Variants in PCDH9 observed in about 807,000 individuals in gnomAD.
The protein encoded by PCDH9 is protocadherin-9.
In PCDH9, 24 loss-of-function variants were observed where a neutral mutation model predicts 70.6. That is an observed-to-expected ratio of 0.34 (90% CI 0.25 to 0.48). The LOEUF is 0.48. PCDH9 is among the 20% of genes least tolerant of loss of function. PCDH9 has a pLI of 0.99. For missense variants in PCDH9, 1,281 were observed against 1,503.6 expected (o/e 0.85, Z 2.45); for synonymous variants, 562 against 558.5 (o/e 1.01, Z -0.09).
chr13:66,697,668 A>T (rs1269148262), intron 3 of PCDH9, among the ~76,000 whole-genome samples: 1 of 152,172 alleles, frequency 6.6e-6, no homozygotes, highest in African/African-American at 2.4e-5. Context: ...AGATGCCAAT[A>T]GCACTATCAC....
chr13:66,498,149 TTA>T (rs1244213118), intron 4 of PCDH9, among the ~76,000 whole-genome samples: 5 of 145,080 alleles, frequency 3.4e-5, no homozygotes, highest in Non-Finnish European at 4.6e-5. Context: ...TTTATTATTA[TTA>T]TTTTTTTTTT....
chr13:66,825,174 G>A (rs1178529045), intron 3 of PCDH9: 1 of 151,102 alleles, frequency 6.6e-6, no homozygotes, highest in East Asian at 1.9e-4. Context: ...GCCACTGAAT[G>A]ACCACAGGAA....
At chr13:66,375,164 G>T (rs181574064) in intron 4 of PCDH9, among the ~76,000 whole-genome samples, 23 of 152,186 alleles carry the variant, frequency 1.5e-4, no homozygotes, top group Admixed American at 1.3e-3. Context: ...GTCATCGACA[G>T]ATGAAGTTAA....
intron 2 of PCDH9, among the ~76,000 whole-genome samples, chr13:66,942,852 G>C (rs1323911): frequency 6.6e-6 from 1 of 152,022 alleles, no homozygotes; most frequent in Non-Finnish European, 1.5e-5. Context: ...CCTGAGCCAA[G>C]TGTTTGACTA....
intron 2 of PCDH9, among the ~76,000 whole-genome samples, chr13:67,105,799 A>T (rs1204993062): frequency 6.6e-6 from 1 of 151,968 alleles, no homozygotes. Flanking sequence ...GCCAAGATCA[A>T]TGTATTTAAG....
intron 3 of PCDH9, among the ~76,000 whole-genome samples, chr13:66,841,940 G>A (rs1490339637): frequency 6.6e-6 from 1 of 152,112 alleles, no homozygotes; most frequent in Non-Finnish European, 1.5e-5. Context: ...GAAAAACTAT[G>A]ACATTCCAAA....
At chr13:66,491,504 G>C (rs1051785519) in intron 4 of PCDH9, among the ~76,000 whole-genome samples, 1 of 151,814 alleles carries the variant, frequency 6.6e-6, no homozygotes, top group Non-Finnish European at 1.5e-5. Context: ...TCCCATATTA[G>C]AGCGTTAAGT....
At chr13:66,449,611 T>G (rs531867463) in intron 4 of PCDH9, among the ~76,000 whole-genome samples, 1 of 152,276 alleles carries the variant, frequency 6.6e-6, no homozygotes, top group Admixed American at 6.5e-5. Context: ...AAATAAAGTG[T>G]AAAGCTAAAT....
intron 3 of PCDH9, among the ~76,000 whole-genome samples, chr13:66,722,964 T>G (rs1005296499): frequency 1.6e-5 from 2 of 125,898 alleles, no homozygotes; most frequent in Non-Finnish European, 3.2e-5. Context: ...CCAGACTGCA[T>G]CTCAAAAAAA....
intron 4 of PCDH9, among the ~76,000 whole-genome samples, chr13:66,542,797 A>T (rs1961022522): frequency 6.8e-6 from 1 of 147,626 alleles, no homozygotes; most frequent in Non-Finnish European, 1.5e-5. Flanking sequence ...AAATATATGT[A>T]TATATAAATA....
At chr13:66,878,330 G>C (rs984690622) in intron 3 of PCDH9, among the ~76,000 whole-genome samples, 2 of 151,778 alleles carry the variant, frequency 1.3e-5, no homozygotes, top group Non-Finnish European at 2.9e-5. Flanking sequence ...TGGTTCCAGC[G>C]ATTCTCCTGC....
chr13:66,637,941 C>G (rs1414298980), intron 3 of PCDH9, among the ~76,000 whole-genome samples: 1 of 151,530 alleles, frequency 6.6e-6, no homozygotes, highest in East Asian at 1.9e-4. Flanking sequence ...ATTTAATTTT[C>G]TATTTTAGTA....
chr13:66,600,582 G>A (rs77771095), intron 4 of PCDH9, among the ~76,000 whole-genome samples: 8,884 of 151,800 alleles, frequency 0.059, 326 homozygotes, highest in South Asian at 0.12. Flanking sequence ...TAGGAATTGT[G>A]TCTGTTGCAT....
intron 4 of PCDH9, among the ~76,000 whole-genome samples, chr13:66,513,456 T>C (rs1310805603): frequency 2.6e-5 from 4 of 152,114 alleles, no homozygotes; most frequent in African/African-American, 9.7e-5. Context: ...TTTCATTCGC[T>C]AGCAGTGTTT....
Position 66,727,993 on chromosome 13 carries a change from TA to T in PCDH9, c.3139-96583del, listed in dbSNP as rs748660327. Among the ~76,000 whole-genome samples, 138 of 152,278 alleles carry T rather than the reference TA, an allele frequency of 9.1e-4. 2 individuals carry two copies. The highest frequency in any genetic ancestry group is 1.1e-3 in the Non-Finnish European group (74 of 67,996). ...CTGATGAATATAAGTATTATAAATT[TA>T]TTTTATTTCAAAATATGTCTCTCCA... On this transcript the variant is annotated intron_variant, in intron 3 of 4. Transcript: ENST00000377865.
chr13:66,516,060 C>T (rs80052973), intron 4 of PCDH9, among the ~76,000 whole-genome samples: 2,643 of 152,046 alleles, frequency 0.017, 54 homozygotes, highest in African/African-American at 0.061. Flanking sequence ...ATTTGAAATA[C>T]TTCTACTTGA....
rs116243550 is a variant in PCDH9 at position 67,014,022 on chromosome 13, A to C, written c.3037-110417T>G. Among the ~76,000 whole-genome samples the C allele has an allele frequency of 1.8e-3, 274 of 152,172 alleles. 1 individual carries two copies. Among genetic ancestry groups the C allele is most frequent in the African/African-American group, 6.1e-3 (252 of 41,540 alleles). Reference sequence around the variant, plus strand: ...CTTCAGAAACTTTTCTGCTTCCTTCATATTCAAGGTGTTTAAAAACAGAGA... The same window carrying C: ...CTTCAGAAACTTTTCTGCTTCCTTCCTATTCAAGGTGTTTAAAAACAGAGA... On this transcript the variant is annotated intron_variant, in intron 2 of 4. Coordinates refer to ENST00000377865, the MANE Select transcript of PCDH9 (RefSeq NM_203487.3).
intron 3 of PCDH9, among the ~76,000 whole-genome samples, chr13:66,762,684 A>T (rs1168708094): frequency 6.6e-6 from 1 of 151,950 alleles, no homozygotes; most frequent in Non-Finnish European, 1.5e-5. Context: ...GGTTGGGAGA[A>T]TGGCAATCAC....
At position 67,228,297 on chromosome 13, in the gene PCDH9, G is replaced by A. The variant is rs1185688563; in HGVS notation, c.144C>T (p.Asn48=). Residue 48 remains asparagine (N), a synonymous_variant, in exon 2 of 5, where the codon AAC becomes AAT. Coordinates refer to ENST00000377865, the MANE Select transcript of PCDH9 (RefSeq NM_203487.3). ...CTGTGGCAGCATTGATGTGAGAAAT[G>A]TTCAGATCCTTTGGTATGTTTCCTA... is the stretch of plus-strand genomic sequence containing the variant. The part of the protein sequence containing the change: ...VPIGNIPKDL[N]ISHINAATGT... 1.2e-6 allele frequency: 2 copies of A among 1,614,042 alleles called. No homozygotes were observed. The highest frequency in any genetic ancestry group is 1.7e-6 in the Non-Finnish European group (2 of 1,180,030).
Sources: gnomAD v4.1 joint callset for allele counts (sites outside exome capture counted in the v4.1 genomes callset) on GRCh38, gnomAD v4.1.1 for gene constraint, MANE v1.5 for transcripts, NCBI Gene and HGNC (gene_info 2026-07-23, HGNC 2026-07-21) for gene names.